Variants in BCR observed in about 807,000 individuals in gnomAD.
BCR encodes the protein breakpoint cluster region protein.
Under a neutral mutation model 138.6 loss-of-function variants are expected in BCR, and 58 were observed. The ratio of observed to expected loss-of-function variants is 0.42; its 90% CI spans 0.34 to 0.52. The LOEUF is 0.52. Among genes scored for constraint, BCR ranks in the 20% least tolerant of loss-of-function variants. The probability of loss-of-function intolerance (pLI) is 0.06; values close to 1 mark genes in which losing one functional copy is unlikely to be tolerated. For missense variants in BCR, 1,599 were observed against 1,727.2 expected (o/e 0.93, Z 1.32); for synonymous variants, 786 against 730.1 (o/e 1.08, Z -1.23).
intron 1 of BCR, among the ~76,000 whole-genome samples, chr22:23,233,384 G>A (rs1031588398): frequency 2.0e-5 from 3 of 152,186 alleles, no homozygotes; most frequent in African/African-American, 7.2e-5. Flanking sequence ...AGACACCACT[G>A]CTTCCCCACA....
At chr22:23,299,730 A>G (rs1383901982) in intron 16 of BCR, among the ~76,000 whole-genome samples, 4 of 150,844 alleles carry the variant, frequency 2.7e-5, no homozygotes, top group African/African-American at 4.8e-5. Flanking sequence ...TAAAATATAT[A>G]TTGGCACAAA....
chr22:23,236,546 G>A (rs1039727158), intron 1 of BCR, among the ~76,000 whole-genome samples: 2 of 152,216 alleles, frequency 1.3e-5, no homozygotes, highest in African/African-American at 4.8e-5. Flanking sequence ...CGAGAACAGG[G>A]CAACGCACAC....
rs115907169 is a variant in BCR, at chr22:23,223,086, C to T, written c.1280-30713C>T. Among the ~76,000 whole-genome samples the T allele has an allele frequency of 2.1e-3, 319 of 152,296 alleles. 2 individuals are homozygous for T. Among genetic ancestry groups the T allele is most frequent in the African/African-American group, 7.3e-3 (303 of 41,570 alleles). ...GCATTAATTTCATTCATGAGGGTTC[C>T]ACCCTTACGACCTCATCACCTCCCA... On this transcript the variant is annotated intron_variant, in intron 1 of 22. Transcript: ENST00000305877.
At chr22:23,288,200 TG>T (rs1375913676) in intron 12 of BCR, 28 bp downstream of exon 12, 2 of 1,604,046 alleles carry the variant, frequency 1.2e-6, no homozygotes, top group Non-Finnish European at 1.7e-6. Flanking sequence ...TGAGAGGGGC[TG>T]GGCTTCAAAC....
At chr22:23,286,327 G>A (rs2073712836) in intron 10 of BCR, among the ~76,000 whole-genome samples, 1 of 152,224 alleles carries the variant, frequency 6.6e-6, no homozygotes, top group Non-Finnish European at 1.5e-5. Context: ...TTAGGCCTGG[G>A]TCCAGGTATG....
At position 23,268,403 on chromosome 22, in the gene BCR, C is replaced by T. The variant is rs750695387; in HGVS notation, c.1753-5C>T. ...TCCCACTCTCTCTTCCTTCCTCCCC[C>T]TCAGGCCAGCCAGCTGGGTGTGTAC... On this transcript the variant is annotated splice_polypyrimidine_tract_variant and splice_region_variant and intron_variant, in intron 4 of 22. Coordinates refer to ENST00000305877, the MANE Select transcript of BCR (RefSeq NM_004327.4). 4 of 1,607,484 alleles carry T rather than the reference C, an allele frequency of 2.5e-6. No homozygotes were observed. Among genetic ancestry groups the T allele is most frequent in the South Asian group, 2.2e-5 (2 of 89,776 alleles).
chr22:23,216,827 G>T (rs1005509828), intron 1 of BCR, among the ~76,000 whole-genome samples: 1 of 152,256 alleles, frequency 6.6e-6, no homozygotes, highest in Admixed American at 6.5e-5. Context: ...TCATTGTTCT[G>T]CAGTGAAGCC....
intron 1 of BCR, among the ~76,000 whole-genome samples, chr22:23,233,831 C>G (rs1357069180): frequency 6.8e-6 from 1 of 147,524 alleles, no homozygotes; most frequent in East Asian, 2.0e-4. Context: ...AAAAGAAGAA[C>G]ATGGTGACTT....
chr22:23,207,153 G>A (rs1237365420), intron 1 of BCR, among the ~76,000 whole-genome samples: 3 of 152,080 alleles, frequency 2.0e-5, no homozygotes, highest in African/African-American at 7.2e-5. Flanking sequence ...ACCTACTGGG[G>A]TCCAAGCACA....
At chr22:23,238,121 T>C (rs2073046636) in intron 1 of BCR, among the ~76,000 whole-genome samples, 1 of 151,992 alleles carries the variant, frequency 6.6e-6, no homozygotes, top group South Asian at 2.1e-4. Context: ...AACGAGGAGT[T>C]TCATCTGCAG....
intron 16 of BCR, among the ~76,000 whole-genome samples, chr22:23,301,676 G>A (rs185511367): frequency 3.3e-5 from 5 of 152,202 alleles, no homozygotes; most frequent in Non-Finnish European, 5.9e-5. Flanking sequence ...CCTGGCTCTT[G>A]GCACATTTGC....
intron 1 of BCR, among the ~76,000 whole-genome samples, chr22:23,231,430 C>T (rs1228427765): frequency 6.6e-6 from 1 of 151,630 alleles, no homozygotes; most frequent in African/African-American, 2.4e-5. Flanking sequence ...TGCTTGAGCC[C>T]CAGGAGTTTG....
intron 1 of BCR, among the ~76,000 whole-genome samples, chr22:23,223,274 G>T (rs9620231): frequency 6.6e-6 from 1 of 152,124 alleles, no homozygotes; most frequent in Non-Finnish European, 1.5e-5. Flanking sequence ...GGGAATTGGG[G>T]TGTGAGTGTG....
At chr22:23,249,989 GTC>G (rs952325106) in intron 1 of BCR, among the ~76,000 whole-genome samples, 4 of 152,254 alleles carry the variant, frequency 2.6e-5, no homozygotes, top group South Asian at 2.1e-4. Context: ...GTGAGACCTA[GTC>G]TCTCTGTCTC....
chr22:23,264,889 A>C (rs2073420330), intron 4 of BCR: 1 of 152,338 alleles, frequency 6.6e-6, no homozygotes, highest in African/African-American at 2.4e-5. Context: ...AAGGGAACCC[A>C]GCAGTTCTGA....
At chr22:23,229,883 AAG>A (rs1483648082) in intron 1 of BCR, among the ~76,000 whole-genome samples, 2 of 152,132 alleles carry the variant, frequency 1.3e-5, no homozygotes, top group Non-Finnish European at 2.9e-5. Flanking sequence ...GTAGAGTGGA[AAG>A]AGTCCACGGG....
intron 16 of BCR, among the ~76,000 whole-genome samples, chr22:23,305,027 T>C (rs2073942229): frequency 6.6e-6 from 1 of 150,620 alleles, no homozygotes; most frequent in African/African-American, 2.5e-5. Flanking sequence ...GGCAAGAGAA[T>C]GGTTTGAAGC....
intron 1 of BCR, among the ~76,000 whole-genome samples, chr22:23,197,945 T>C (rs916473890): frequency 1.3e-5 from 2 of 151,996 alleles, no homozygotes; most frequent in African/African-American, 4.8e-5. Flanking sequence ...TTCAGGGCCT[T>C]TCGGAGAGAG....
At chr22:23,270,152 TGGG>T (rs749490763) in intron 5 of BCR, among the ~76,000 whole-genome samples, 1 of 151,996 alleles carries the variant, frequency 6.6e-6, no homozygotes, top group Non-Finnish European at 1.5e-5. Context: ...GCAGAGGTGT[TGGG>T]GGGTCAGTGC....
Sources: gnomAD v4.1 joint callset for allele counts (sites outside exome capture counted in the v4.1 genomes callset) on GRCh38, gnomAD v4.1.1 for gene constraint, MANE v1.5 for transcripts, NCBI Gene and HGNC (gene_info 2026-07-23, HGNC 2026-07-21) for gene names.